CYP11B2: variants seen among roughly 807,000 people sequenced by gnomAD.
CYP11B2 encodes cytochrome P450 family 11 subfamily B member 2, also known as cytochrome P450 11B2, mitochondrial.
In CYP11B2, 38 loss-of-function variants were observed where a neutral mutation model predicts 49.3. The ratio of observed to expected loss-of-function variants is 0.77; its 90% confidence interval spans 0.59 to 1.01. The LOEUF (loss-of-function observed/expected upper bound fraction) is 1.01, where lower values mean the gene tolerates loss of function less well. Among genes scored for constraint, CYP11B2 ranks in the 50% least tolerant of loss-of-function variants. The pLI is 0.00. For synonymous variants in CYP11B2, 290 were observed against 269.3 expected (o/e 1.08, Z -0.75); for missense variants, 669 against 655.5 (o/e 1.02, Z -0.23).
At position 142,915,125 on chromosome 8, in the gene CYP11B2, C is replaced by T; in HGVS notation, c.516G>A (p.Leu172=). Residue 172 remains leucine, a synonymous_variant, in exon 3 of 9, where the codon CTG becomes CTA. Transcript: ENST00000323110. ...DAVARDFSQA[L]KKKVLQNARG... is the part of the protein sequence containing the mutation. ...GGGCGTTCTGCAGCACCTTCTTCTTCAGGGCCTGGGAGAAGTCCCTGGCCA... is the reference window on the plus strand; with the variant it reads ...GGGCGTTCTGCAGCACCTTCTTCTTTAGGGCCTGGGAGAAGTCCCTGGCCA... 6.2e-7 allele frequency: 1 copy of T among 1,613,880 alleles called. No homozygotes were observed. The highest frequency in any genetic ancestry group is 8.5e-7 in the Non-Finnish European group (1 of 1,179,926).
At position 142,912,011 on chromosome 8, in the gene CYP11B2, G is replaced by A. The variant is rs1462773928; in HGVS notation, c.1481C>T (p.Ser494Phe). The A allele has an allele frequency of 6.2e-7, 1 of 1,613,994 alleles. No individual in the cohort carries two copies. The highest frequency in any genetic ancestry group is 8.5e-7 in the Non-Finnish European group (1 of 1,179,938). Residue 494 changes from serine to phenylalanine, a missense_variant, in exon 9 of 9, where the codon TCC becomes TTC. Ser to Phe is a radical substitution (Grantham distance 155). Coordinates refer to ENST00000323110, the MANE Select transcript of CYP11B2 (RefSeq NM_000498.3). Reference sequence around the variant, plus strand: ...AATCGCTCTGAAAGTGAGGAGGGGGGACGTGCCAGGCCTCAATATGAAGCT... The same window carrying A: ...AATCGCTCTGAAAGTGAGGAGGGGGAACGTGCCAGGCCTCAATATGAAGCT... ...VYSFILRPGT[S>F]PLLTFRAIN
At position 142,912,453 on chromosome 8, in the gene CYP11B2, C is replaced by G. The variant is rs1378319730; in HGVS notation, c.1398+77G>C. 2.0e-6 allele frequency: 3 copies of G among 1,492,844 alleles called. No homozygotes were observed. In the East Asian group the frequency reaches 6.9e-5, roughly 35 times the overall value. 92.5% of individuals were successfully genotyped at this position (1,492,844 alleles called of 1,614,324 possible). Reference sequence around the variant, plus strand: ...CCACTGTTCCCAGGTGTCAATCACACCATGCAAGCCCCGCCCCCAGTGTGC... The same window carrying G: ...CCACTGTTCCCAGGTGTCAATCACAGCATGCAAGCCCCGCCCCCAGTGTGC... On this transcript the variant is annotated intron_variant, in intron 8 of 8. Transcript: ENST00000323110.
chr8:142,913,222 C>T (rs61757296), intron 6 of CYP11B2, 63 bp downstream of exon 6: 14 of 1,574,228 alleles, frequency 8.9e-6, no homozygotes, highest in Non-Finnish European at 1.1e-5. Flanking sequence ...TCTGCCACCA[C>T]CCAGTGGGGG....
chr8:142,911,726 G>A lies in CYP11B2; in HGVS notation c.*254C>T. 1.9e-6 allele frequency: 1 copy of A among 538,718 alleles called. No homozygotes were observed. Among genetic ancestry groups the A allele is most frequent in the East Asian group, 3.4e-5 (1 of 29,616 alleles). The allele number at this position is 538,718 out of a possible 1,614,324, so 33.4% of individuals were successfully genotyped here. ...TGTCCAGAGGGCACTGCTTGCTGGA[G>A]AAGGGGCCAGGTGGAGCTGGGGACA... On this transcript the variant is annotated 3_prime_UTR_variant, in exon 9 of 9. Coordinates refer to ENST00000323110, the MANE Select transcript of CYP11B2 (RefSeq NM_000498.3).
chr8:142,913,568 C>CGAG, intron 5 of CYP11B2, 117 bp from the exon 6 acceptor site: 1 of 434,662 alleles, frequency 2.3e-6, no homozygotes, highest in Non-Finnish European at 3.8e-6. Flanking sequence ...TGAGCAAAAA[C>CGAG]AGAGCCCTGG....
Position 142,913,468 on chromosome 8 carries a change from TGCAGG to T in CYP11B2, c.955-22_955-18del. The T allele has an allele frequency of 6.2e-7, 1 of 1,614,028 alleles. No individual in the cohort carries two copies. Among genetic ancestry groups the T allele is most frequent in the South Asian group, 1.1e-5 (1 of 91,080 alleles). On this transcript the variant is annotated intron_variant, in intron 5 of 8. Transcript: ENST00000323110. ...AAACGCTGTCTACAGAAGCCATGTC[TGCAGG>T]GTCAGACCTTGCACAGGAGGACTCA...
chr8:142,917,366 T>C (rs1284659672), intron 1 of CYP11B2, 152 bp from the exon 2 acceptor site: 14 of 1,430,532 alleles, frequency 9.8e-6, no homozygotes, highest in Non-Finnish European at 1.4e-5. Flanking sequence ...CCCTGGAACC[T>C]TTCAACTTTA....
In CYP11B2 at chr8:142,913,371, C is replaced by G. The variant is rs780878883; in HGVS notation, c.1035G>C (p.Leu345=). The change falls in exon 6 of 9, where the codon CTG becomes CTC. Residue 345 remains leucine (L), a synonymous_variant. Coordinates refer to ENST00000323110, the MANE Select transcript of CYP11B2 (RefSeq NM_000498.3). ...DVQQILRQES[L]AAAASISEHP... ...GTTCACTGATGCTGGCTGCGGCGGC[C>G]AGGCTCTCCTGGCGCAGGATCTGCT... is the stretch of plus-strand genomic sequence containing the variant. 30 of 1,613,820 alleles carry G rather than the reference C, an allele frequency of 1.9e-5. No individual in the cohort carries two copies. The Admixed American group carries it at 2.7e-4, about 14-fold the overall frequency.
chr8:142,915,113 C>T lies in CYP11B2; in HGVS notation c.528G>A (p.Val176=), dbSNP rs1189130343. The part of the protein sequence containing the change: ...RDFSQALKKK[V]LQNARGSLTL... ...TCAGGCTCCCCCGGGCGTTCTGCAG[C>T]ACCTTCTTCTTCAGGGCCTGGGAGA... is the stretch of plus-strand genomic sequence containing the variant. Residue 176 remains valine, a synonymous_variant, in exon 3 of 9, where the codon GTG becomes GTA. Transcript: ENST00000323110. The T allele has an allele frequency of 2.5e-6, 4 of 1,613,800 alleles. No homozygotes were observed. The highest frequency in any genetic ancestry group is 2.5e-6 in the Non-Finnish European group (3 of 1,179,894).
chr8:142,914,201 G>A (rs187842785), intron 5 of CYP11B2, 63 bp downstream of exon 5: 4 of 1,595,302 alleles, frequency 2.5e-6, no homozygotes, highest in Middle Eastern at 1.7e-4. Flanking sequence ...GGCATTGGCA[G>A]GCAGTGCCTG....
intron 2 of CYP11B2, 84 bp from the exon 3 acceptor site, chr8:142,915,329 G>T: frequency 1.6e-6 from 2 of 1,277,394 alleles, no homozygotes; most frequent in Non-Finnish European, 2.2e-6. Flanking sequence ...TGTCCCCAAG[G>T]GGAATCGGCC....
chr8:142,912,035 C>A lies in CYP11B2; in HGVS notation c.1457G>T (p.Ser486Ile), dbSNP rs1470184186. The stretch of plus-strand genomic sequence containing the variant: ...GGACGTGCCAGGCCTCAATATGAAG[C>A]TGTAGACCATCTTTATGTCCTCTTG... Reference protein sequence around the residue: ...LTQEDIKMVYSFILRPGTSPL... With the variant: ...LTQEDIKMVYIFILRPGTSPL... Residue 486 changes from serine to isoleucine, a missense_variant, in exon 9 of 9, where the codon AGC becomes ATC. By Grantham distance (142) the Ser-to-Ile change is moderately radical. Transcript: ENST00000323110. The A allele has an allele frequency of 2.5e-6, 4 of 1,614,080 alleles. No individual in the cohort carries two copies. The highest frequency in any genetic ancestry group is 3.4e-6 in the Non-Finnish European group (4 of 1,179,984).
At chr8:142,912,441 G>A (rs1817552002) in intron 8 of CYP11B2, 89 bp downstream of exon 8, 2 of 1,396,380 alleles carry the variant, frequency 1.4e-6, no homozygotes, top group Admixed American at 1.8e-5. Flanking sequence ...CTGTTCCCAG[G>A]TGTCAATCAC....
intron 8 of CYP11B2, 24 bp downstream of exon 8, chr8:142,912,506 G>A (rs768449280): frequency 9.1e-5 from 139 of 1,531,826 alleles, no homozygotes; most frequent in Non-Finnish European, 1.2e-4. Flanking sequence ...CCCAGGTCCC[G>A]CCCCCGCCCC....
intron 5 of CYP11B2, 36 bp downstream of exon 5, chr8:142,914,228 T>C (rs1046464588): frequency 4.3e-6 from 7 of 1,613,422 alleles, no homozygotes; most frequent in Middle Eastern, 1.7e-4. Flanking sequence ...AGGCTTGGCA[T>C]CACCCTCTCT....
intron 2 of CYP11B2, among the ~76,000 whole-genome samples, chr8:142,916,769 G>T (rs1443450775): frequency 2.1e-4 from 32 of 152,290 alleles, no homozygotes; most frequent in East Asian, 5.8e-4. Context: ...AGAGAAAGCA[G>T]CCGCCGAGGT....
At position 142,911,689 on chromosome 8, in the gene CYP11B2, G is replaced by GGAA; in HGVS notation, c.*290_*291insTTC. ...GAGGAGCCTGGAGCCAGCGCTGGGAGTAGAGTCAAGCTGTCCAGAGGGCAC... is the reference window on the plus strand; with the variant it reads ...GAGGAGCCTGGAGCCAGCGCTGGGAGGAATAGAGTCAAGCTGTCCAGAGGGCAC... On this transcript the variant is annotated 3_prime_UTR_variant, in exon 9 of 9. Coordinates refer to ENST00000323110, the MANE Select transcript of CYP11B2 (RefSeq NM_000498.3). The GGAA allele has an allele frequency of 2.2e-6, 1 of 463,462 alleles. No individual in the cohort carries two copies. The highest frequency in any genetic ancestry group is 2.2e-5 in the South Asian group (1 of 44,786). 28.7% of individuals were successfully genotyped at this position (463,462 alleles called of 1,614,324 possible).
In CYP11B2 at chr8:142,914,105, T is replaced by G. The variant is rs183126671; in HGVS notation, c.954+159A>C. On this transcript the variant is annotated intron_variant, in intron 5 of 8. Coordinates refer to ENST00000323110, the MANE Select transcript of CYP11B2 (RefSeq NM_000498.3). ...TCACATTTCCCCTCCCCTGCAAATC[T>G]CATCCCTTAACAAAGGAGGGGGAAG... 1,140 of 822,706 alleles carry G rather than the reference T, an allele frequency of 1.4e-3. 16 individuals are homozygous for G. Among genetic ancestry groups the G allele is most frequent in the Non-Finnish European group, 2.4e-4 (118 of 488,324 alleles). The allele number at this position is 822,706 out of a possible 1,614,324, so 51.0% of individuals were successfully genotyped here.
At chr8:142,914,166 G>A (rs1462972709) in intron 5 of CYP11B2, 98 bp downstream of exon 5, 4 of 1,394,554 alleles carry the variant, frequency 2.9e-6, no homozygotes, top group Non-Finnish European at 4.1e-6. Context: ...CTGTAGCCTG[G>A]GGATGGGGAA....
Sources: allele counts gnomAD v4.1 joint callset (sites outside exome capture counted in the v4.1 genomes callset), GRCh38; gene constraint gnomAD v4.1.1; transcripts MANE v1.5; gene names NCBI Gene and HGNC (gene_info 2026-07-23, HGNC 2026-07-21).